HMCN2: variants seen among roughly 807,000 people sequenced by gnomAD.
HMCN2 encodes the protein hemicentin-2.
Under a neutral mutation model 377.5 loss-of-function variants are expected in HMCN2, and 325 were observed. The ratio of observed to expected loss-of-function variants is 0.86; its 90% CI spans 0.79 to 0.94. The LOEUF (loss-of-function observed/expected upper bound fraction) is 0.94, where lower values mean the gene tolerates loss of function less well. Among genes scored for constraint, HMCN2 ranks in the 40% least tolerant of loss-of-function variants. The pLI, the probability that HMCN2 is intolerant of heterozygous loss-of-function variation, is 0.00. For synonymous variants in HMCN2, 2,007 were observed against 2,046.8 expected (o/e 0.98, Z 0.53); for missense variants, 4,543 against 4,725.3 (o/e 0.96, Z 1.13).
At chr9:130,376,799 T>C (rs762974206) in intron 52 of HMCN2, 141 bp downstream of exon 52, 33 of 301,228 alleles carry the variant, frequency 1.1e-4, no homozygotes, top group Non-Finnish European at 1.5e-4. Flanking sequence ...TTATTTATTT[T>C]ATTTTTATTT....
chr9:130,410,360 C>T (rs1843343898), intron 84 of HMCN2, among the ~76,000 whole-genome samples: 1 of 152,200 alleles, frequency 6.6e-6, no homozygotes, highest in Non-Finnish European at 1.5e-5. Flanking sequence ...CCCCTGTTTT[C>T]GGGTGTGAAA....
Position 130,395,326 on chromosome 9 carries a change from C to CCGAGA in HMCN2, c.10893_10897dup (p.Gly3633GlufsTer26), listed in dbSNP as rs1488622386. 3.0e-5 allele frequency: 39 copies of CCGAGA among 1,288,946 alleles called. No individual in the cohort carries two copies. The highest frequency in any genetic ancestry group is 3.9e-5 in the Non-Finnish European group (39 of 988,548). 79.8% of individuals were successfully genotyped at this position (1,288,946 alleles called of 1,614,324 possible). On this transcript the variant is annotated frameshift_variant, in exon 71 of 98. Transcript: ENST00000683500. LOFTEE classifies it high-confidence loss of function. The stretch of plus-strand genomic sequence containing the variant: ...AGCCAGCGCCCAAGATCACGTGGCA[C>CCGAGA]CGAGACGGCATTGTGCTGCAGGTGG...
At chr9:130,412,536 CTTTTT>C (rs1843475830) in intron 85 of HMCN2, among the ~76,000 whole-genome samples, 3 of 143,544 alleles carry the variant, frequency 2.1e-5, no homozygotes, top group African/African-American at 5.1e-5. Context: ...CTAAGGTCGT[CTTTTT>C]CTTTTCTTTT....
Position 130,422,916 on chromosome 9 carries a change from C to T in HMCN2, c.13381+190C>T. On this transcript the variant is annotated intron_variant, in intron 87 of 97. Transcript: ENST00000683500. The surrounding 1 kb of genome is among the most constrained non-coding windows in gnomAD (Gnocchi z 4.2). ...CCAAAGTGGACTCAGATGCAGGCAA[C>T]TTCCTGTCCCCCTCACAACCTCCCA... Among the ~76,000 whole-genome samples the T allele has an allele frequency of 6.6e-6, 1 of 152,210 alleles. No individual in the cohort carries two copies. Among genetic ancestry groups the T allele is most frequent in the East Asian group, 1.9e-4 (1 of 5,196 alleles).
chr9:130,359,034 G>A (rs998665685), intron 36 of HMCN2, among the ~76,000 whole-genome samples: 2 of 152,142 alleles, frequency 1.3e-5, no homozygotes, highest in African/African-American at 2.4e-5. Flanking sequence ...TTTATTTGCA[G>A]GGAAATCCTC....
At chr9:130,307,953 T>G (rs1836980135) in intron 14 of HMCN2, among the ~76,000 whole-genome samples, 1 of 152,190 alleles carries the variant, frequency 6.6e-6, no homozygotes, top group East Asian at 1.9e-4. Context: ...TTTTTTGTTT[T>G]ATTTATTGTT....
rs1253470580 is a variant in HMCN2 at position 130,353,165 on chromosome 9, T to C, written c.4824T>C (p.Ala1608=). The C allele has an allele frequency of 6.9e-6, 9 of 1,304,066 alleles. No individual in the cohort carries two copies. The South Asian group carries it at 1.1e-4, about 16-fold the overall frequency. 80.8% of individuals were successfully genotyped at this position (1,304,066 alleles called of 1,614,324 possible). The stretch of plus-strand genomic sequence containing the variant: ...TCTACACCTGCAAGGCCAGCAATGC[T>C]GTGGGGGCCGCAGAGAAGGCCACCA... The part of the protein sequence containing the change: ...AGVYTCKASN[A]VGAAEKATRL... Residue 1608 remains alanine, a synonymous_variant, in exon 31 of 98, where the codon GCT becomes GCC. Transcript: ENST00000683500.
Position 130,356,083 on chromosome 9 carries a change from C to G in HMCN2, c.5256-5C>G. The stretch of plus-strand genomic sequence containing the variant: ...TTGACACGCCCCCCTCCCTACTCAC[C>G]TTAGGTGGCTGCAGAATGGCCGCCC... On this transcript the variant is annotated splice_polypyrimidine_tract_variant and splice_region_variant and intron_variant, in intron 33 of 97. Coordinates refer to ENST00000683500, the MANE Select transcript of HMCN2 (RefSeq NM_001291815.2). 1 of 1,281,676 alleles carries G rather than the reference C, an allele frequency of 7.8e-7. No individual in the cohort carries two copies. 79.4% of individuals were successfully genotyped at this position (1,281,676 alleles called of 1,614,324 possible).
rs182191597 is a variant in HMCN2 at position 130,363,638 on chromosome 9, G to T, written c.6232+648G>T. On this transcript the variant is annotated intron_variant, in intron 40 of 97. Coordinates refer to ENST00000683500, the MANE Select transcript of HMCN2 (RefSeq NM_001291815.2). ...GGAGTTCGAGACCAGCCTGGCCAAC[G>T]CAGTGAAACCCCGTCTCTACTAAAA... Among the ~76,000 whole-genome samples, 31 of 151,864 alleles carry T rather than the reference G, an allele frequency of 2.0e-4. No homozygotes were observed. In the East Asian group the frequency reaches 5.2e-3, roughly 26 times the overall value.
rs1843024117 is a variant in HMCN2, at chr9:130,405,034, G to A, written c.12314G>A (p.Gly4105Glu). ...GGGAAGTTCACCATCCAGCCTTCTGGGGAGTTGCTGGTGAAGAACTTGGAG... is the reference window on the plus strand; with the variant it reads ...GGGAAGTTCACCATCCAGCCTTCTGAGGAGTTGCTGGTGAAGAACTTGGAG... ...AEGKFTIQPSGELLVKNLEGQ... is the reference protein window; with the variant it reads ...AEGKFTIQPSEELLVKNLEGQ... The change falls in exon 81 of 98, where the codon GGG becomes GAG. Residue 4105 changes from glycine (G) to glutamate (E), a missense_variant. Transcript: ENST00000683500. 1 of 1,287,462 alleles carries A rather than the reference G, an allele frequency of 7.8e-7. No individual in the cohort carries two copies. Among genetic ancestry groups the A allele is most frequent in the African/African-American group, 1.5e-5 (1 of 65,828 alleles). 79.8% of individuals were successfully genotyped at this position (1,287,462 alleles called of 1,614,324 possible).
rs1389922791 is a variant in HMCN2 at position 130,276,198 on chromosome 9, CACTT to C, written c.260-8401_260-8398del. Among the ~76,000 whole-genome samples, 5 of 152,214 alleles carry C rather than the reference CACTT, an allele frequency of 3.3e-5. No individual in the cohort carries two copies. The East Asian group carries it at 9.7e-4, about 29-fold the overall frequency. ...TGGGGATCCCCCTGCACCCATTAAT[CACTT>C]ACTCCATCTTCAATTCTCAAGGGTC... On this transcript the variant is annotated intron_variant, in intron 1 of 97. Coordinates refer to ENST00000683500, the MANE Select transcript of HMCN2 (RefSeq NM_001291815.2).
In HMCN2 at chr9:130,349,054, G is replaced by A. The variant is rs1839550978; in HGVS notation, c.4226G>A (p.Gly1409Asp). Residue 1409 changes from glycine to aspartate, a missense_variant, in exon 28 of 98, where the codon GGT becomes GAT. By Grantham distance (94) the Gly-to-Asp change is moderately conservative. This residue lies in a region of HMCN2 where 1,032 missense variants were observed against 1,285.1 expected (regional missense o/e 0.80). Transcript: ENST00000683500. ...QSLHFPRIQEGDSGLYSCRAE... is the reference protein window; with the variant it reads ...QSLHFPRIQEDDSGLYSCRAE... ...CTCCACTTCCCCAGGATCCAGGAGG[G>A]TGATTCTGGGCTCTACTCCTGCCGG... 2 of 1,304,118 alleles carry A rather than the reference G, an allele frequency of 1.5e-6. No individual in the cohort carries two copies. The highest frequency in any genetic ancestry group is 4.6e-5 in the Admixed American group (2 of 43,554). 80.8% of individuals were successfully genotyped at this position (1,304,118 alleles called of 1,614,324 possible).
At chr9:130,429,418 G>T in intron 93 of HMCN2, 139 bp from the exon 94 acceptor site, 1 of 1,022,250 alleles carries the variant, frequency 9.8e-7, no homozygotes, top group Non-Finnish European at 1.4e-6. Context: ...TGCTGTGAGG[G>T]CGGCCATGCA....
At chr9:130,407,763 A>G (rs1843180159) in intron 83 of HMCN2, 58 bp downstream of exon 83, 1 of 1,140,618 alleles carries the variant, frequency 8.8e-7, no homozygotes, top group South Asian at 1.7e-5. Context: ...TTGGGACCCA[A>G]TCTATTGGTT....
chr9:130,362,187 C>T lies in HMCN2; in HGVS notation c.6108+22C>T, dbSNP rs143135849. ...GCAGGTCAGTAGGGCTGGGTGGCCC[C>T]GGCTCAACCTCCCTGCACCTCCCGT... On this transcript the variant is annotated intron_variant, in intron 39 of 97. Coordinates refer to ENST00000683500, the MANE Select transcript of HMCN2 (RefSeq NM_001291815.2). 1.4e-3 allele frequency: 1,395 copies of T among 985,766 alleles called. 5 individuals carry two copies. The highest frequency in any genetic ancestry group is 0.012 in the Middle Eastern group (23 of 1,914). The allele number at this position is 985,766 out of a possible 1,614,324, so 61.1% of individuals were successfully genotyped here. A position where few individuals can be genotyped will look rare whatever the true frequency, so the allele number is the denominator to read the frequency against.
At chr9:130,430,226 G>T (rs549014510) in intron 94 of HMCN2, 58 bp from the exon 95 acceptor site, 2 of 1,375,416 alleles carry the variant, frequency 1.5e-6, no homozygotes, top group South Asian at 2.8e-5. Flanking sequence ...GGCAATGGCT[G>T]CAGGCTGCAG....
At position 130,402,803 on chromosome 9, in the gene HMCN2, G is replaced by C; in HGVS notation, c.11785G>C (p.Gly3929Arg). The change falls in exon 78 of 98, where the codon GGG (glycine) becomes CGG (arginine). Residue 3929 changes from glycine (G) to arginine (R), a missense_variant. Coordinates refer to ENST00000683500, the MANE Select transcript of HMCN2 (RefSeq NM_001291815.2). ...CCCACCAACAGGCGCCCTGGAGATC[G>C]GGCAGGCCCTCCCCATCCACGCAGG... ...RVSPSGALEI[G>R]QALPIHAGRY... is the part of the protein sequence containing the mutation. 1 of 1,289,708 alleles carries C rather than the reference G, an allele frequency of 7.8e-7. No homozygotes were observed. Among genetic ancestry groups the C allele is most frequent in the Middle Eastern group, 2.1e-4 (1 of 4,694 alleles). 79.9% of individuals were successfully genotyped at this position (1,289,708 alleles called of 1,614,324 possible).
At chr9:130,293,002 C>G (rs909095074) in intron 4 of HMCN2, among the ~76,000 whole-genome samples, 3 of 90,568 alleles carry the variant, frequency 3.3e-5, no homozygotes, top group Non-Finnish European at 9.0e-5. Flanking sequence ...ATCTATCTAC[C>G]TACCTACCTG....
At chr9:130,358,093 A>T in intron 35 of HMCN2, 105 bp downstream of exon 35, 2 of 1,000,664 alleles carry the variant, frequency 2.0e-6, no homozygotes, top group South Asian at 3.2e-5. Context: ...GGCTGGGCAT[A>T]GGAAGGGCCC....
Sources: allele counts gnomAD v4.1 joint callset (sites outside exome capture counted in the v4.1 genomes callset), GRCh38; gene constraint gnomAD v4.1.1; regional missense constraint gnomAD v4.1.1; non-coding constraint Gnocchi (gnomAD v3.1); transcripts MANE v1.5; gene names NCBI Gene and HGNC (gene_info 2026-07-23, HGNC 2026-07-21).